SLC28A1: variants seen among roughly 807,000 people sequenced by gnomAD.
SLC28A1 encodes solute carrier family 28 member 1.
Under a neutral mutation model 74.8 loss-of-function variants are expected in SLC28A1, and 64 were observed. The ratio of observed to expected loss-of-function variants is 0.86; its 90% CI spans 0.70 to 1.05. The LOEUF (loss-of-function observed/expected upper bound fraction) is 1.05, where lower values mean the gene tolerates loss of function less well. SLC28A1 is among the 50% of genes least tolerant of loss of function. The pLI, the probability that SLC28A1 is intolerant of heterozygous loss-of-function variation, is 0.00. For missense variants in SLC28A1, 828 were observed against 822.8 expected, an observed-to-expected ratio of 1.01 and a Z score of -0.08; for synonymous variants, 359 against 335.0, an observed-to-expected ratio of 1.07 and a Z score of -0.78.
chr15:84,936,357 G>A (rs1279908165), intron 15 of SLC28A1, among the ~76,000 whole-genome samples: 1 of 151,996 alleles, frequency 6.6e-6, no homozygotes, highest in Admixed American at 6.6e-5. Context: ...TCCCGGGTTC[G>A]AGTGATTCTC....
chr15:84,970,559 G>C, the SLC28A1 span, among the ~76,000 whole-genome samples: 1 of 152,190 alleles, frequency 6.6e-6, no homozygotes, highest in Non-Finnish European at 1.5e-5. Context: ...GGGGACCTGA[G>C]CTTGAGCGAG....
intron 6 of SLC28A1, chr15:84,896,026 A>G (rs763018737): frequency 1.2e-6 from 1 of 812,718 alleles, no homozygotes; most frequent in Admixed American, 6.2e-5. Context: ...TATTAAATAC[A>G]TTTGTGATTT....
chr15:84,944,455 C>T, intron 16 of SLC28A1, 111 bp from the exon 17 acceptor site: 2 of 757,894 alleles, frequency 2.6e-6, no homozygotes, highest in South Asian at 1.5e-5. Context: ...GTCCCTCTGG[C>T]CATCTATTAA....
chr15:84,930,916 C>T (rs1473770009), intron 12 of SLC28A1, among the ~76,000 whole-genome samples: 1 of 152,004 alleles, frequency 6.6e-6, no homozygotes, highest in South Asian at 2.1e-4. Context: ...ATTACAGGCA[C>T]ACACCACCAC....
chr15:84,954,371 T>C, the SLC28A1 span, among the ~76,000 whole-genome samples: 1 of 152,196 alleles, frequency 6.6e-6, no homozygotes, highest in Non-Finnish European at 1.5e-5. Flanking sequence ...CATTTATCTA[T>C]AAAGATTTCA....
At chr15:84,938,006 C>A (rs1247205657) in intron 15 of SLC28A1, among the ~76,000 whole-genome samples, 1 of 152,128 alleles carries the variant, frequency 6.6e-6, no homozygotes, top group Non-Finnish European at 1.5e-5. Context: ...TTGAGACCAA[C>A]CTGACCAACA....
the SLC28A1 span, among the ~76,000 whole-genome samples, chr15:84,964,397 C>T: frequency 6.6e-6 from 1 of 152,168 alleles, no homozygotes; most frequent in Non-Finnish European, 1.5e-5. Flanking sequence ...ACAGATCTTC[C>T]CAGCAGGAGC....
At chr15:84,963,040 C>T in the SLC28A1 span, among the ~76,000 whole-genome samples, 2 of 152,192 alleles carry the variant, frequency 1.3e-5, no homozygotes, top group African/African-American at 4.8e-5. Context: ...AGCCTGACGC[C>T]TCAGCACTGC....
chr15:84,951,023 A>C, the SLC28A1 span, among the ~76,000 whole-genome samples: 1 of 152,338 alleles, frequency 6.6e-6, no homozygotes, highest in South Asian at 2.1e-4. Flanking sequence ...CCTGCCTTAG[A>C]TAAATGGGGG....
chr15:84,885,099 C>T (rs1210927342), intron 1 of SLC28A1, among the ~76,000 whole-genome samples: 1 of 152,032 alleles, frequency 6.6e-6, no homozygotes, highest in Non-Finnish European at 1.5e-5. Flanking sequence ...GCTGGGACTA[C>T]AGGCACCTGC....
rs944383276 is a variant in SLC28A1 at position 84,945,678 on chromosome 15, CT to C, written c.*479del. 4.2e-6 allele frequency: 1 copy of C among 236,270 alleles called. No individual in the cohort carries two copies. Among genetic ancestry groups the C allele is most frequent in the Non-Finnish European group, 8.4e-6 (1 of 119,142 alleles). The allele number at this position is 236,270 out of a possible 1,614,324, so 14.6% of individuals were successfully genotyped here. ...TTCAGAGAAACCCTTCCCGCCTTTC[CT>C]CAGAGTGCTTCCCAAACTGAGGTCC... On this transcript the variant is annotated 3_prime_UTR_variant, in exon 19 of 19. Transcript: ENST00000394573.
intron 9 of SLC28A1, among the ~76,000 whole-genome samples, chr15:84,911,304 C>T (rs1254381266): frequency 6.6e-6 from 1 of 152,168 alleles, no homozygotes; most frequent in East Asian, 1.9e-4. Flanking sequence ...ATCATGGATT[C>T]CTTGACCATT....
intron 12 of SLC28A1, among the ~76,000 whole-genome samples, chr15:84,925,056 G>A (rs113316772): frequency 0.011 from 1,643 of 145,814 alleles, 31 homozygotes; most frequent in African/African-American, 0.039. Flanking sequence ...ACGCCCCACC[G>A]CGCCCAGCTA....
At chr15:84,923,912 C>A in intron 11 of SLC28A1, 73 bp from the exon 12 acceptor site, 1 of 1,607,190 alleles carries the variant, frequency 6.2e-7, no homozygotes, top group Admixed American at 1.7e-5. Flanking sequence ...CAGCTGCTCA[C>A]TGTGACCTGT....
chr15:84,924,900 T>C (rs1970296170), intron 12 of SLC28A1, among the ~76,000 whole-genome samples: 1 of 144,850 alleles, frequency 6.9e-6, no homozygotes. Context: ...TTTATTAATT[T>C]TTTTTGTTTG....
At chr15:84,974,283 G>C in the SLC28A1 span, among the ~76,000 whole-genome samples, 3 of 152,114 alleles carry the variant, frequency 2.0e-5, no homozygotes, top group Non-Finnish European at 4.4e-5. Context: ...CTCAAGTATC[G>C]GTGATGTTTG....
At chr15:84,967,959 C>G in the SLC28A1 span, among the ~76,000 whole-genome samples, 1 of 152,264 alleles carries the variant, frequency 6.6e-6, no homozygotes. Context: ...TTTAGTGAAT[C>G]TTGGAGTCAG....
chr15:84,925,067 G>GTTTTTTTTTTTTT (rs964017770), intron 12 of SLC28A1, among the ~76,000 whole-genome samples: 262 of 84,146 alleles, frequency 3.1e-3, no homozygotes, highest in African/African-American at 3.4e-3. Flanking sequence ...CGCCCAGCTA[G>GTTTTTTTTTTTTT]TTTTTTTTTT....
At chr15:84,912,962 G>A (rs990035462) in intron 9 of SLC28A1, among the ~76,000 whole-genome samples, 9 of 152,094 alleles carry the variant, frequency 5.9e-5, no homozygotes, top group African/African-American at 2.2e-4. Flanking sequence ...GCCTGGGGTG[G>A]GATGGCTGAA....
Sources: gnomAD v4.1 joint callset for allele counts (sites outside exome capture counted in the v4.1 genomes callset) on GRCh38, gnomAD v4.1.1 for gene constraint, MANE v1.5 for transcripts, NCBI Gene and HGNC (gene_info 2026-07-23, HGNC 2026-07-21) for gene names.